The following CBFA2T2 variants were observed in gnomAD, a reference collection of about 807,000 sequenced individuals.
The protein encoded by CBFA2T2 is CBFA2/RUNX1 partner transcriptional co-repressor 2, also known as protein CBFA2T2.
Under a neutral mutation model 62.2 loss-of-function variants are expected in CBFA2T2, and 11 were observed. The observed-to-expected ratio is 0.18, with a 90% CI of 0.11 to 0.29. CBFA2T2 has a LOEUF of 0.29. CBFA2T2 is among the 10% of genes least tolerant of loss of function. The pLI is 1.00. For synonymous variants in CBFA2T2, 295 were observed against 287.5 expected (o/e 1.03, Z -0.27); for missense variants, 592 against 774.1 (o/e 0.76, Z 2.79).
At chr20:33,640,603 G>C (rs1459588981) in intron 10 of CBFA2T2, 72 bp downstream of exon 10, 3 of 1,413,492 alleles carry the variant, frequency 2.1e-6, no homozygotes, top group Non-Finnish European at 9.8e-7. Context: ...CCTCTCATAC[G>C]CTGGGCAGGA....
At chr20:33,554,506 C>T (rs542818382) in intron 1 of CBFA2T2, among the ~76,000 whole-genome samples, 21 of 151,844 alleles carry the variant, frequency 1.4e-4, no homozygotes, top group African/African-American at 4.6e-4. Context: ...ACCTCAGCCT[C>T]CTAAATTGCT....
intron 1 of CBFA2T2, among the ~76,000 whole-genome samples, chr20:33,517,441 G>T (rs1298916957): frequency 1.7e-4 from 25 of 145,270 alleles, no homozygotes; most frequent in Middle Eastern, 6.9e-3. Context: ...GGTTTTTTTG[G>T]TTTTTTTGGT....
intron 1 of CBFA2T2, chr20:33,562,321 A>G (rs1327165404): frequency 1.7e-5 from 16 of 956,162 alleles, no homozygotes; most frequent in Non-Finnish European, 1.9e-5. Flanking sequence ...GAGCCCTGGT[A>G]ACAGGGAGGG....
intron 1 of CBFA2T2, among the ~76,000 whole-genome samples, chr20:33,521,320 G>A (rs889044158): frequency 6.6e-6 from 1 of 152,132 alleles, no homozygotes; most frequent in Non-Finnish European, 1.5e-5. Context: ...AGTTGGGGAA[G>A]TGGTTAATGA....
chr20:33,519,740 C>A (rs945787511), intron 1 of CBFA2T2, among the ~76,000 whole-genome samples: 1 of 152,120 alleles, frequency 6.6e-6, no homozygotes, highest in East Asian at 1.9e-4. Flanking sequence ...GTCCAGGAAT[C>A]TTCATTTTCA....
At chr20:33,575,607 A>G (rs1258059030) in intron 1 of CBFA2T2, among the ~76,000 whole-genome samples, 7 of 152,038 alleles carry the variant, frequency 4.6e-5, no homozygotes, top group African/African-American at 1.7e-4. Context: ...CTTTCTTAAT[A>G]GGGTTTTTTT....
chr20:33,611,885 A>G (rs1230641670), intron 3 of CBFA2T2, among the ~76,000 whole-genome samples: 1 of 152,204 alleles, frequency 6.6e-6, no homozygotes, highest in Non-Finnish European at 1.5e-5. Context: ...TTTAATTCCA[A>G]TAAGCAACTT....
At chr20:33,504,388 T>G (rs1477889635) in intron 1 of CBFA2T2, among the ~76,000 whole-genome samples, 1 of 151,140 alleles carries the variant, frequency 6.6e-6, no homozygotes, top group South Asian at 2.1e-4. Context: ...GGTTCTATGA[T>G]AATTTCATAT....
At chr20:33,636,452 T>G (rs1356668009) in intron 8 of CBFA2T2, among the ~76,000 whole-genome samples, 188 bp from the exon 9 acceptor site, 2 of 152,104 alleles carry the variant, frequency 1.3e-5, no homozygotes, top group Admixed American at 6.5e-5. Context: ...TTGATGGGGG[T>G]GTGTGTTTTA....
At chr20:33,514,025 C>G (rs1017635684) in intron 1 of CBFA2T2, among the ~76,000 whole-genome samples, 14 of 148,488 alleles carry the variant, frequency 9.4e-5, no homozygotes, top group African/African-American at 3.5e-4. Flanking sequence ...CTCAGCCTCC[C>G]AAGTAGCTGG....
intron 1 of CBFA2T2, among the ~76,000 whole-genome samples, chr20:33,542,436 T>A (rs1197254862): frequency 6.6e-5 from 10 of 152,130 alleles, no homozygotes; most frequent in Non-Finnish European, 1.0e-4. Context: ...ATTTTAGTTT[T>A]AAATTTTTTT....
At position 33,619,463 on chromosome 20, in the gene CBFA2T2, A is replaced by G. The variant is rs755923551; in HGVS notation, c.421-54A>G. ...AAAAAAAAAAGAAGAGTTTGGCACTATAAGTTTTGGAAGTCCAGTTTTGGA... is the reference window on the plus strand; with the variant it reads ...AAAAAAAAAAGAAGAGTTTGGCACTGTAAGTTTTGGAAGTCCAGTTTTGGA... On this transcript the variant is annotated intron_variant, in intron 3 of 10. Coordinates refer to ENST00000342704, the MANE Select transcript of CBFA2T2 (RefSeq NM_001032999.3). 176 of 940,950 alleles carry G rather than the reference A, an allele frequency of 1.9e-4. 1 individual carries two copies. Among genetic ancestry groups the G allele is most frequent in the Non-Finnish European group, 1.5e-4 (95 of 629,170 alleles). 58.3% of individuals were successfully genotyped at this position (940,950 alleles called of 1,614,324 possible).
At chr20:33,627,807 A>G (rs950005192) in intron 6 of CBFA2T2, among the ~76,000 whole-genome samples, 1 of 152,222 alleles carries the variant, frequency 6.6e-6, no homozygotes. Flanking sequence ...CTGTTACTGT[A>G]TGTGACTTAG....
At chr20:33,510,064 T>TG (rs1235879767) in intron 1 of CBFA2T2, among the ~76,000 whole-genome samples, 1 of 151,950 alleles carries the variant, frequency 6.6e-6, no homozygotes, top group Non-Finnish European at 1.5e-5. Flanking sequence ...AGTGAGAACA[T>TG]GCGGTGTTTG....
intron 1 of CBFA2T2, chr20:33,574,267 T>G: frequency 6.2e-7 from 1 of 1,611,964 alleles, no homozygotes; most frequent in Non-Finnish European, 8.5e-7. Context: ...GAAAGGTATG[T>G]GTGAAACATT....
intron 1 of CBFA2T2, chr20:33,600,189 T>TTG (rs2015068527): frequency 7.5e-6 from 1 of 133,062 alleles, no homozygotes; most frequent in African/African-American, 2.9e-5. Context: ...AAAGTTTTTT[T>TTG]TTTTTTTTTT....
intron 1 of CBFA2T2, among the ~76,000 whole-genome samples, chr20:33,534,152 A>T (rs772366379): frequency 1.7e-4 from 26 of 152,178 alleles, no homozygotes; most frequent in Non-Finnish European, 3.1e-4. Flanking sequence ...CTTTGTAAAT[A>T]CATAGGAATG....
intron 1 of CBFA2T2, among the ~76,000 whole-genome samples, chr20:33,555,546 T>C (rs1408962085): frequency 6.6e-6 from 1 of 152,240 alleles, no homozygotes; most frequent in Non-Finnish European, 1.5e-5. Flanking sequence ...TGTGTGTATT[T>C]TGGAGGTACA....
intron 1 of CBFA2T2, among the ~76,000 whole-genome samples, chr20:33,580,102 C>T (rs1365492928): frequency 6.6e-6 from 1 of 152,062 alleles, no homozygotes; most frequent in Non-Finnish European, 1.5e-5. Context: ...TGGGTGTGAG[C>T]CACTGCGCCT....
Sources: gnomAD v4.1 joint callset for allele counts (sites outside exome capture counted in the v4.1 genomes callset) on GRCh38, gnomAD v4.1.1 for gene constraint, MANE v1.5 for transcripts, NCBI Gene and HGNC (gene_info 2026-07-23, HGNC 2026-07-21) for gene names.